The following DSCAM variants were observed in gnomAD, a reference collection of about 807,000 sequenced individuals.
The protein encoded by DSCAM is cell adhesion molecule DSCAM.
A neutral mutation model predicts 217.7 loss-of-function variants in DSCAM; 47 were observed. That is an observed-to-expected ratio of 0.22 (90% CI 0.17 to 0.28). The LOEUF is 0.28. Ranked by LOEUF, DSCAM falls within the 10% of genes least tolerant of loss-of-function variation. The probability of loss-of-function intolerance (pLI) is 1.00; values close to 1 mark genes in which losing one functional copy is unlikely to be tolerated. For synonymous variants in DSCAM, 1,056 were observed against 1,015.3 expected, an observed-to-expected ratio of 1.04 and a Z score of -0.76; for missense variants, 2,080 against 2,618.3, an observed-to-expected ratio of 0.79 and a Z score of 4.49.
chr21:40,818,527 C>T (rs1431336893), intron 1 of DSCAM, among the ~76,000 whole-genome samples: 1 of 115,310 alleles, frequency 8.7e-6, no homozygotes, highest in African/African-American at 3.2e-5. Context: ...GCCTGGGCTA[C>T]ACAGCCAGAC....
chr21:40,744,374 A>C (rs905275384), intron 1 of DSCAM, among the ~76,000 whole-genome samples: 2 of 152,160 alleles, frequency 1.3e-5, no homozygotes, highest in Admixed American at 1.3e-4. Context: ...CATGATCGGC[A>C]GGAAGGTCTG....
intron 3 of DSCAM, among the ~76,000 whole-genome samples, chr21:40,619,915 A>T (rs1315030073): frequency 6.6e-6 from 1 of 151,382 alleles, no homozygotes; most frequent in East Asian, 1.9e-4. Context: ...ACACTATGAA[A>T]TCTAGTAGAA....
At chr21:40,761,846 G>C (rs2091338612) in intron 1 of DSCAM, among the ~76,000 whole-genome samples, 1 of 152,130 alleles carries the variant, frequency 6.6e-6, no homozygotes, top group African/African-American at 2.4e-5. Flanking sequence ...TGAACAACCT[G>C]CTCCTGAATG....
At chr21:40,418,809 G>A (rs2123813309) in intron 3 of DSCAM, among the ~76,000 whole-genome samples, 1 of 151,966 alleles carries the variant, frequency 6.6e-6, no homozygotes, top group East Asian at 1.9e-4. Context: ...AATTAGTGGG[G>A]TAAAATACAA....
chr21:40,243,857 G>A (rs947388665), intron 11 of DSCAM, among the ~76,000 whole-genome samples: 8 of 151,952 alleles, frequency 5.3e-5, no homozygotes, highest in East Asian at 1.9e-4. Context: ...TCATGGAGAC[G>A]GTCTACCGGG....
chr21:40,345,391 G>C (rs753096403), intron 6 of DSCAM, among the ~76,000 whole-genome samples: 1 of 151,936 alleles, frequency 6.6e-6, no homozygotes, highest in African/African-American at 2.4e-5. Context: ...ACTTGATTTT[G>C]GTGTCTCTCA....
At chr21:40,552,471 A>G (rs2076638413) in intron 3 of DSCAM, among the ~76,000 whole-genome samples, 1 of 152,226 alleles carries the variant, frequency 6.6e-6, no homozygotes, top group Non-Finnish European at 1.5e-5. Context: ...ATAGGGGTTT[A>G]CTGAGGAAGA....
chr21:40,330,483 G>C lies in DSCAM; in HGVS notation c.1783+7618C>G, dbSNP rs184868483. Among the ~76,000 whole-genome samples, 733 of 150,516 alleles carry C rather than the reference G, an allele frequency of 4.9e-3. 4 individuals are homozygous for C. Among genetic ancestry groups the C allele is most frequent in the Middle Eastern group, 0.011 (3 of 280 alleles). ...TTTTTTTCCCTCCAATTAGGGTAAA[G>C]TAATTTGAGATATCGCTTATAAAAC... On this transcript the variant is annotated intron_variant, in intron 8 of 32. Transcript: ENST00000400454.
chr21:40,645,710 T>A (rs1412313345), intron 3 of DSCAM, among the ~76,000 whole-genome samples: 1 of 152,194 alleles, frequency 6.6e-6, no homozygotes, highest in Non-Finnish European at 1.5e-5. Context: ...AACACTGTGA[T>A]GTGTTTTGAT....
chr21:40,325,926 T>A (rs2074312414), intron 8 of DSCAM, among the ~76,000 whole-genome samples: 1 of 152,140 alleles, frequency 6.6e-6, no homozygotes, highest in Admixed American at 6.5e-5. Flanking sequence ...ATACTACACA[T>A]GGACACATTT....
intron 16 of DSCAM, among the ~76,000 whole-genome samples, chr21:40,153,584 C>A (rs545747189): frequency 1.3e-5 from 2 of 152,260 alleles, no homozygotes; most frequent in South Asian, 4.1e-4. Context: ...AGGGACATAT[C>A]TACGGGACAG....
chr21:40,297,413 A>G (rs2073967197), intron 9 of DSCAM, among the ~76,000 whole-genome samples: 1 of 152,020 alleles, frequency 6.6e-6, no homozygotes, highest in South Asian at 2.1e-4. Context: ...GCAGTCATAA[A>G]CTATGTGAGA....
intron 3 of DSCAM, among the ~76,000 whole-genome samples, chr21:40,563,703 T>C (rs2076741258): frequency 1.8e-5 from 1 of 56,282 alleles, no homozygotes; most frequent in Admixed American, 1.8e-4. Flanking sequence ...GTTATATGTG[T>C]GTATATAGTT....
rs114820996 is a variant in DSCAM at position 40,634,975 on chromosome 21, A to G, written c.508+57835T>C. Among the ~76,000 whole-genome samples, 720 of 152,368 alleles carry G rather than the reference A, an allele frequency of 4.7e-3. 6 individuals carry two copies. Among genetic ancestry groups the G allele is most frequent in the African/African-American group, 0.016 (662 of 41,584 alleles). On this transcript the variant is annotated intron_variant, in intron 3 of 32. Coordinates refer to ENST00000400454, the MANE Select transcript of DSCAM (RefSeq NM_001389.5). ...GTTGTCTGCCTGCTCCCACTGGAAT[A>G]TAAGTTTCACAAAGATAGGAATTTT...
chr21:40,807,381 G>A (rs2123525177), intron 1 of DSCAM, among the ~76,000 whole-genome samples: 1 of 152,232 alleles, frequency 6.6e-6, no homozygotes, highest in Admixed American at 6.5e-5. Context: ...CAGTTCCTAT[G>A]CCTGGACTTT....
intron 11 of DSCAM, among the ~76,000 whole-genome samples, chr21:40,206,196 G>C (rs2091123659): frequency 6.6e-6 from 1 of 152,198 alleles, no homozygotes; most frequent in Non-Finnish European, 1.5e-5. Context: ...GTGTGTGCCT[G>C]TGTGAATAGC....
chr21:40,154,943 G>C (rs528350237), intron 16 of DSCAM, among the ~76,000 whole-genome samples: 1 of 152,296 alleles, frequency 6.6e-6, no homozygotes, highest in African/African-American at 2.4e-5. Flanking sequence ...TTTGCCTTGA[G>C]ACACAAATGC....
intron 11 of DSCAM, among the ~76,000 whole-genome samples, chr21:40,241,515 A>G (rs770822224): frequency 3.3e-5 from 5 of 152,244 alleles, no homozygotes; most frequent in Admixed American, 6.5e-5. Flanking sequence ...GTTGCAGAGA[A>G]AACTGAACAT....
intron 1 of DSCAM, among the ~76,000 whole-genome samples, chr21:40,799,798 C>A (rs2091723193): frequency 1.3e-5 from 2 of 152,098 alleles, no homozygotes; most frequent in African/African-American, 4.8e-5. Flanking sequence ...AATAGTTAAT[C>A]CAAAATAATC....
Sources: allele counts gnomAD v4.1 joint callset (sites outside exome capture counted in the v4.1 genomes callset), GRCh38; gene constraint gnomAD v4.1.1; transcripts MANE v1.5; gene names NCBI Gene and HGNC (gene_info 2026-07-23, HGNC 2026-07-21).